LRCOL1: variants seen among roughly 807,000 people sequenced by gnomAD.
LRCOL1 encodes the protein leucine-rich colipase-like protein 1.
In LRCOL1, 21 loss-of-function variants were observed where a neutral mutation model predicts 21.6. The observed-to-expected ratio is 0.97, with a 90% CI of 0.69 to 1.40. LRCOL1 has a LOEUF of 1.40. LRCOL1 is among the 40% of genes most tolerant of loss of function. LRCOL1 has a pLI of 0.00. For synonymous variants in LRCOL1, 98 were observed against 90.1 expected, an observed-to-expected ratio of 1.09 and a Z score of -0.49; for missense variants, 198 against 202.3, an observed-to-expected ratio of 0.98 and a Z score of 0.13.
At chr12:132,605,078 G>A (rs1232050517) in intron 2 of LRCOL1, 9 of 1,324,264 alleles carry the variant, frequency 6.8e-6, no homozygotes, top group African/African-American at 1.5e-5. Context: ...GGCACTGAGG[G>A]CAAGGATGCA....
chr12:132,605,215 C>G, intron 2 of LRCOL1: 1 of 827,138 alleles, frequency 1.2e-6, no homozygotes, highest in Non-Finnish European at 1.5e-6. Flanking sequence ...AGCTGAGAGC[C>G]AGGCCTCCCC....
chr12:132,609,988 A>G (rs545975825), intron 1 of LRCOL1, among the ~76,000 whole-genome samples: 3 of 152,370 alleles, frequency 2.0e-5, no homozygotes, highest in South Asian at 4.1e-4. Flanking sequence ...TGTCAAAGAC[A>G]TTGCAAATCT....
At chr12:132,605,938 G>A (rs1208965858) in intron 2 of LRCOL1, 3 of 586,790 alleles carry the variant, frequency 5.1e-6, no homozygotes, top group Non-Finnish European at 9.0e-6. Flanking sequence ...AAGTGTGCTT[G>A]GGCAGCACAG....
In LRCOL1 at chr12:132,604,285, C is replaced by CT; in HGVS notation, c.445_446insA (p.Arg149GlnfsTer14). ...CAGGCACTGGGCCAGGATCCCGGTC[C>CT]GGGGAATGCAGCGGAAGGGGCTGTA... On this transcript the variant is annotated frameshift_variant, in exon 5 of 6. Transcript: ENST00000376608. LOFTEE classifies it high-confidence loss of function. The CT allele has an allele frequency of 6.5e-7, 1 of 1,535,462 alleles. No individual in the cohort carries two copies. The highest frequency in any genetic ancestry group is 8.7e-7 in the Non-Finnish European group (1 of 1,146,694).
At chr12:132,607,114 G>A (rs905246865) in intron 1 of LRCOL1, among the ~76,000 whole-genome samples, 4 of 152,204 alleles carry the variant, frequency 2.6e-5, no homozygotes, top group African/African-American at 7.2e-5. Flanking sequence ...TGTGGTCAGC[G>A]GCCAAGCTAT....
chr12:132,604,882 G>T, intron 2 of LRCOL1, 51 bp from the exon 3 acceptor site: 1 of 1,527,722 alleles, frequency 6.5e-7, no homozygotes, highest in Non-Finnish European at 8.8e-7. Flanking sequence ...AGGGCCTGCA[G>T]ACTCAGCACT....
At chr12:132,607,925 CTCTG>C (rs1243187361) in intron 1 of LRCOL1, among the ~76,000 whole-genome samples, 1 of 151,104 alleles carries the variant, frequency 6.6e-6, no homozygotes, top group Non-Finnish European at 1.5e-5. Context: ...GTCTGTCTCT[CTCTG>C]TCTCTCCCTC....
chr12:132,607,745 GTCTCTGTCTC>G (rs1353524578), intron 1 of LRCOL1, among the ~76,000 whole-genome samples: 10 of 138,934 alleles, frequency 7.2e-5, no homozygotes, highest in Non-Finnish European at 1.4e-4. Flanking sequence ...CCCTCTCTCC[GTCTCTGTCTC>G]TCTCTGTCTC....
At chr12:132,605,870 G>A (rs914664521) in intron 2 of LRCOL1, 19 of 475,658 alleles carry the variant, frequency 4.0e-5, no homozygotes, top group African/African-American at 3.2e-4. Flanking sequence ...CCTGGTTGAC[G>A]GTGGCCGTGG....
chr12:132,608,116 C>T lies in LRCOL1; in HGVS notation c.-13-1852G>A, dbSNP rs530211900. Among the ~76,000 whole-genome samples the T allele has an allele frequency of 8.5e-5, 13 of 152,354 alleles. No homozygotes were observed. In the South Asian group the frequency reaches 2.3e-3, roughly 27 times the overall value. On this transcript the variant is annotated intron_variant, in intron 1 of 5. Coordinates refer to ENST00000376608, the MANE Select transcript of LRCOL1 (RefSeq NM_001195520.2). ...GTGCACTCAGGGGAAAGGTGGAGCT[C>T]TGGCCACAACCTATAGCCACCTGCT...
intron 5 of LRCOL1, 98 bp from the exon 6 acceptor site, chr12:132,603,502 A>G: frequency 6.5e-7 from 1 of 1,534,426 alleles, no homozygotes; most frequent in Non-Finnish European, 8.7e-7. Context: ...ATCTCCCGGC[A>G]CCAGCCTCGT....
At chr12:132,607,651 CT>C (rs1307850934) in intron 1 of LRCOL1, among the ~76,000 whole-genome samples, 1 of 151,500 alleles carries the variant, frequency 6.6e-6, no homozygotes, top group Admixed American at 6.6e-5. Context: ...CTCTCTGTCT[CT>C]TTCTGTCTCT....
chr12:132,603,549 C>G, intron 5 of LRCOL1, 145 bp from the exon 6 acceptor site: 1 of 1,493,342 alleles, frequency 6.7e-7, no homozygotes, highest in Non-Finnish European at 8.9e-7. Context: ...GACGCCCACG[C>G]TCAGCTCGCG....
intron 2 of LRCOL1, 92 bp from the exon 3 acceptor site, chr12:132,604,923 CTG>C: frequency 1.4e-6 from 2 of 1,480,196 alleles, no homozygotes; most frequent in Admixed American, 4.5e-5. Context: ...CTTGGCTCCC[CTG>C]TGTCACCATC....
chr12:132,607,915 G>A (rs1337513266), intron 1 of LRCOL1, among the ~76,000 whole-genome samples: 3 of 97,890 alleles, frequency 3.1e-5, no homozygotes, highest in Middle Eastern at 6.3e-3. Flanking sequence ...CCCTCTCTCC[G>A]TCTGTCTCTC....
intron 5 of LRCOL1, 95 bp from the exon 6 acceptor site, chr12:132,603,499 GGCACCAGCCTCGTGGGGGTCGGGACA>G: frequency 1.3e-6 from 2 of 1,534,640 alleles, no homozygotes; most frequent in Non-Finnish European, 1.7e-6. Context: ...AGCATCTCCC[GGCACCAGCCTCGTGGGGGTCGGGACA>G]GCACCCAGAG....
At position 132,606,556 on chromosome 12, in the gene LRCOL1, C is replaced by T. The variant is rs189526965; in HGVS notation, c.-13-292G>A. ...TCCACCATTGATAGACCCACAGGGA[C>T]GTGCCATCATCACCCGGAGTCCACA... On this transcript the variant is annotated intron_variant, in intron 1 of 5. Transcript: ENST00000376608. This position sits in a 1 kb window ranked among gnomAD's most constrained non-coding sequence, Gnocchi z 4.6. Among the ~76,000 whole-genome samples, 3 of 152,266 alleles carry T rather than the reference C, an allele frequency of 2.0e-5. No homozygotes were observed. Among genetic ancestry groups the T allele is most frequent in the South Asian group, 2.1e-4 (1 of 4,824 alleles).
At chr12:132,605,079 C>T in intron 2 of LRCOL1, 1 of 1,323,524 alleles carries the variant, frequency 7.6e-7, no homozygotes, top group South Asian at 1.6e-5. Flanking sequence ...GCACTGAGGG[C>T]AAGGATGCAG....
intron 1 of LRCOL1, among the ~76,000 whole-genome samples, chr12:132,608,317 G>T (rs1293502294): frequency 6.6e-6 from 1 of 152,180 alleles, no homozygotes; most frequent in Admixed American, 6.5e-5. Flanking sequence ...GCCTGCGGCT[G>T]GGCAGCCTCC....
Sources: allele counts gnomAD v4.1 joint callset (sites outside exome capture counted in the v4.1 genomes callset), GRCh38; gene constraint gnomAD v4.1.1; non-coding constraint Gnocchi (gnomAD v3.1); transcripts MANE v1.5; gene names NCBI Gene and HGNC (gene_info 2026-07-23, HGNC 2026-07-21).